The following GALNT13 variants were observed in gnomAD, a reference collection of about 807,000 sequenced individuals.
GALNT13 encodes UDP-GalNAc:polypeptide N-acetylgalactosaminyltransferase 13.
In GALNT13, 28 loss-of-function variants were observed where a neutral mutation model predicts 64.2. The observed-to-expected ratio is 0.44, with a 90% CI of 0.32 to 0.60. GALNT13 has a LOEUF of 0.60. GALNT13 is among the 20% of genes least tolerant of loss of function. GALNT13 has a pLI of 0.05. For missense variants in GALNT13, 577 were observed against 669.8 expected, an observed-to-expected ratio of 0.86 and a Z score of 1.53; for synonymous variants, 214 against 224.6, an observed-to-expected ratio of 0.95 and a Z score of 0.42.
intron 4 of GALNT13, among the ~76,000 whole-genome samples, chr2:154,162,196 A>G (rs1322087479): frequency 1.3e-5 from 2 of 152,266 alleles, no homozygotes; most frequent in African/African-American, 4.8e-5. Context: ...TTACACTGGA[A>G]TGTGGTAAAA....
Position 154,298,875 on chromosome 2 carries a change from ATATATTATTT to A in GALNT13, c.976-2533_976-2524del, listed in dbSNP as rs1468824061. Among the ~76,000 whole-genome samples the A allele has an allele frequency of 1.3e-3, 166 of 129,448 alleles. 4 individuals are homozygous for A. In the South Asian group the frequency reaches 0.037, roughly 28 times the overall value. 84.9% of individuals were successfully genotyped at this position (129,448 alleles called of 152,430 possible). On this transcript the variant is annotated intron_variant, in intron 8 of 12. Transcript: ENST00000392825. ...TTTATATATACATTATATATACATT[ATATATTATTT>A]ATATATACATTATATATTCATTAGA...
At chr2:153,197,475 G>T in the GALNT13 span, among the ~76,000 whole-genome samples, 2 of 152,242 alleles carry the variant, frequency 1.3e-5, no homozygotes, top group Non-Finnish European at 2.9e-5. Flanking sequence ...AGCTCCTTAG[G>T]TGTGTGTGCC....
intron 4 of GALNT13, among the ~76,000 whole-genome samples, chr2:154,227,336 T>G (rs1337396307): frequency 6.6e-6 from 1 of 151,170 alleles, no homozygotes; most frequent in Non-Finnish European, 1.5e-5. Context: ...TTTTTTTCTT[T>G]TTTTTTATTA....
the GALNT13 span, among the ~76,000 whole-genome samples, chr2:153,585,542 C>T: frequency 1.3e-5 from 2 of 152,022 alleles, no homozygotes; most frequent in African/African-American, 2.4e-5. Flanking sequence ...TTAACATATA[C>T]GAAAAGATGT....
intron 2 of GALNT13, among the ~76,000 whole-genome samples, chr2:153,913,512 C>T (rs375742404): frequency 1.6e-4 from 25 of 152,242 alleles, no homozygotes; most frequent in South Asian, 8.3e-4. Context: ...GACCATGCTC[C>T]GCTACAGACA....
At chr2:154,019,328 T>C (rs1370794224) in intron 3 of GALNT13, among the ~76,000 whole-genome samples, 2 of 152,132 alleles carry the variant, frequency 1.3e-5, no homozygotes, top group African/African-American at 4.8e-5. Context: ...ATTAATTCTT[T>C]AGCATATTTG....
the GALNT13 span, among the ~76,000 whole-genome samples, chr2:153,231,059 G>T: frequency 6.6e-6 from 1 of 152,050 alleles, no homozygotes; most frequent in Non-Finnish European, 1.5e-5. Context: ...CCACTATTTT[G>T]CATGTTGGGT....
intron 3 of GALNT13, among the ~76,000 whole-genome samples, chr2:154,084,615 T>TA (rs1218114983): frequency 6.6e-6 from 1 of 151,930 alleles, no homozygotes; most frequent in East Asian, 1.9e-4. Context: ...AAAACAAATC[T>TA]ATCTTTCATG....
chr2:153,991,922 T>A (rs963810128), intron 3 of GALNT13, among the ~76,000 whole-genome samples: 2 of 152,160 alleles, frequency 1.3e-5, no homozygotes, highest in Non-Finnish European at 2.9e-5. Flanking sequence ...AGGACAAGCT[T>A]GTACTTAATG....
At chr2:153,379,324 C>T in the GALNT13 span, among the ~76,000 whole-genome samples, 1 of 151,978 alleles carries the variant, frequency 6.6e-6, no homozygotes, top group Admixed American at 6.6e-5. Context: ...AATTCTTAAC[C>T]CTAGTACTAC....
chr2:153,630,891 A>G, the GALNT13 span, among the ~76,000 whole-genome samples: 4 of 142,820 alleles, frequency 2.8e-5, no homozygotes, highest in Non-Finnish European at 6.0e-5. Context: ...TACATGTGCC[A>G]TGCTGGTGTG....
chr2:153,177,112 A>T, the GALNT13 span, among the ~76,000 whole-genome samples: 1 of 147,824 alleles, frequency 6.8e-6, no homozygotes, highest in Non-Finnish European at 1.5e-5. Flanking sequence ...ATTGATTAAT[A>T]CAATAAAATT....
the GALNT13 span, among the ~76,000 whole-genome samples, chr2:153,403,509 G>C: frequency 6.6e-6 from 1 of 152,206 alleles, no homozygotes; most frequent in Non-Finnish European, 1.5e-5. Context: ...GGGCAAAGGC[G>C]GGCGCCCCTC....
chr2:153,803,425 T>G, the GALNT13 span, among the ~76,000 whole-genome samples: 26 of 152,088 alleles, frequency 1.7e-4, no homozygotes, highest in Middle Eastern at 3.4e-3. Context: ...TGGCGCGGTG[T>G]CTTATGCCTG....
At chr2:153,456,179 A>G in the GALNT13 span, among the ~76,000 whole-genome samples, 1 of 152,262 alleles carries the variant, frequency 6.6e-6, no homozygotes, top group South Asian at 2.1e-4. Context: ...ACAGGGATAT[A>G]AGTTCTCACT....
At chr2:153,388,994 A>G in the GALNT13 span, among the ~76,000 whole-genome samples, 1 of 152,200 alleles carries the variant, frequency 6.6e-6, no homozygotes, top group African/African-American at 2.4e-5. Context: ...AACAATGAGA[A>G]ATCTTGGCTA....
At chr2:153,118,108 AACACAC>A in the GALNT13 span, among the ~76,000 whole-genome samples, 1 of 12,780 alleles carries the variant, frequency 7.8e-5, no homozygotes, top group African/African-American at 1.2e-4. Context: ...ACTATGTACC[AACACAC>A]ACACACACAC....
At chr2:153,163,209 G>A in the GALNT13 span, among the ~76,000 whole-genome samples, 1 of 152,074 alleles carries the variant, frequency 6.6e-6, no homozygotes, top group Non-Finnish European at 1.5e-5. Flanking sequence ...CTTGTTTGAA[G>A]CCAAGTGCAT....
intron 3 of GALNT13, among the ~76,000 whole-genome samples, chr2:154,024,870 T>C (rs975116292): frequency 4.6e-5 from 7 of 152,202 alleles, no homozygotes; most frequent in African/African-American, 1.7e-4. Context: ...GATGGGTTTT[T>C]GGTGTGGATG....
Sources: allele counts gnomAD v4.1 joint callset (sites outside exome capture counted in the v4.1 genomes callset), GRCh38; gene constraint gnomAD v4.1.1; transcripts MANE v1.5; gene names NCBI Gene and HGNC (gene_info 2026-07-23, HGNC 2026-07-21).